Variants in SLC25A26 observed in about 807,000 individuals in gnomAD.
The protein encoded by SLC25A26 is solute carrier family 25 member 26.
In SLC25A26, 36 loss-of-function variants were observed where a neutral mutation model predicts 37.8. That is an observed-to-expected ratio of 0.95 (90% CI 0.73 to 1.26). The LOEUF is 1.26. SLC25A26 is among the 50% of genes most tolerant of loss of function. The pLI is 0.00. For synonymous variants in SLC25A26, 129 were observed against 122.5 expected, an observed-to-expected ratio of 1.05 and a Z score of -0.35; for missense variants, 390 against 331.1, an observed-to-expected ratio of 1.18 and a Z score of -1.38.
intron 5 of SLC25A26, among the ~76,000 whole-genome samples, chr3:66,290,978 T>G (rs902678286): frequency 2.6e-5 from 4 of 152,138 alleles, no homozygotes; most frequent in African/African-American, 9.7e-5. Flanking sequence ...ATTAATTACT[T>G]CCTCAATTTC....
intron 5 of SLC25A26, among the ~76,000 whole-genome samples, chr3:66,275,570 G>A (rs747803265): frequency 6.6e-6 from 1 of 151,916 alleles, no homozygotes; most frequent in East Asian, 1.9e-4. Context: ...AATCATACTT[G>A]CTTCTCAAAA....
intron 4 of SLC25A26, 43 bp downstream of exon 4, chr3:66,262,198 T>G: frequency 9.5e-7 from 1 of 1,052,178 alleles, no homozygotes; most frequent in East Asian, 2.6e-5. Context: ...TATTAAGATT[T>G]TATAGTAGCT....
chr3:66,249,658 T>C (rs968800841), intron 3 of SLC25A26, among the ~76,000 whole-genome samples: 2 of 152,244 alleles, frequency 1.3e-5, no homozygotes, highest in African/African-American at 4.8e-5. Context: ...TTTTGAAATA[T>C]TCATCGATCA....
At chr3:66,335,639 G>T (rs1159671910) in intron 5 of SLC25A26, among the ~76,000 whole-genome samples, 2 of 152,056 alleles carry the variant, frequency 1.3e-5, no homozygotes, top group Non-Finnish European at 2.9e-5. Flanking sequence ...ATTCACTGAT[G>T]TAAGAAATAC....
At chr3:66,220,038 G>A (rs541904189), upstream of SLC25A26, among the ~76,000 whole-genome samples, 6 of 152,332 alleles carry the variant, frequency 3.9e-5, no homozygotes, top group African/African-American at 1.4e-4. Context: ...AATTCTAGCA[G>A]TGTTATAGAA....
chr3:66,249,186 T>A (rs2072978098), intron 3 of SLC25A26, among the ~76,000 whole-genome samples: 1 of 145,192 alleles, frequency 6.9e-6, no homozygotes, highest in African/African-American at 2.6e-5. Context: ...AACTCAGACA[T>A]GTAGATTTGG....
rs2076277552 is a variant in SLC25A26 at position 66,344,531 on chromosome 3, CTG to C, written c.454-1832_454-1831del. ...TAAATACCCATTAATTCCTCTGAAA[CTG>C]GGACATTTACACCCACCCACATGTA... is the stretch of plus-strand genomic sequence containing the variant. On this transcript the variant is annotated intron_variant, in intron 5 of 9. Coordinates refer to ENST00000354883, the MANE Select transcript of SLC25A26 (RefSeq NM_001379210.1). Among the ~76,000 whole-genome samples the C allele has an allele frequency of 2.0e-5, 3 of 152,006 alleles. No homozygotes were observed. In the South Asian group the frequency reaches 6.2e-4, roughly 32 times the overall value.
intron 5 of SLC25A26, among the ~76,000 whole-genome samples, chr3:66,300,116 G>A (rs752054511): frequency 4.6e-5 from 7 of 152,062 alleles, no homozygotes; most frequent in South Asian, 2.1e-4. Flanking sequence ...CAAAATGCCC[G>A]TGTAAAAGGG....
At chr3:66,222,416 G>A (rs1471967016) in intron 1 of SLC25A26, among the ~76,000 whole-genome samples, 1 of 152,224 alleles carries the variant, frequency 6.6e-6, no homozygotes, top group Middle Eastern at 3.4e-3. Flanking sequence ...TCCTGACCTC[G>A]TGATCCCGCC....
At position 66,333,293 on chromosome 3, in the gene SLC25A26, T is replaced by C. The variant is rs1158994598; in HGVS notation, c.454-13071T>C. ...TCAGCTGGTACTGCTGTTCATCTTATTAGATCTGTCCTCCAAGTCTCTTAT... is the reference window on the plus strand; with the variant it reads ...TCAGCTGGTACTGCTGTTCATCTTACTAGATCTGTCCTCCAAGTCTCTTAT... On this transcript the variant is annotated intron_variant, in intron 5 of 9. Transcript: ENST00000354883. Among the ~76,000 whole-genome samples, 6 of 152,200 alleles carry C rather than the reference T, an allele frequency of 3.9e-5. No homozygotes were observed. The East Asian group carries it at 9.6e-4, about 24-fold the overall frequency.
At position 66,231,892 on chromosome 3, in the gene SLC25A26, C is replaced by T. The variant is rs369646562; in HGVS notation, c.34-4652C>T. ...GCCCAAGTGAGCATCCCACCTCAGC[C>T]TCCCAGCAGCTAGGACTACAGACAT... On this transcript the variant is annotated intron_variant, in intron 1 of 9. Transcript: ENST00000354883. Among the ~76,000 whole-genome samples the T allele has an allele frequency of 4.3e-4, 66 of 152,078 alleles. No individual in the cohort carries two copies. The East Asian group carries it at 0.012, about 27-fold the overall frequency.
intron 5 of SLC25A26, among the ~76,000 whole-genome samples, chr3:66,265,133 T>C (rs547237424): frequency 6.6e-6 from 1 of 151,968 alleles, no homozygotes; most frequent in South Asian, 2.1e-4. Context: ...GGCAACATTG[T>C]GAGACCCTGT....
intron 3 of SLC25A26, among the ~76,000 whole-genome samples, chr3:66,249,912 CA>C (rs1373367120): frequency 6.6e-6 from 1 of 152,190 alleles, no homozygotes; most frequent in Non-Finnish European, 1.5e-5. Context: ...TGCACTCAAA[CA>C]AACACTTTTT....
chr3:66,307,412 T>G (rs1479009201), intron 5 of SLC25A26, among the ~76,000 whole-genome samples: 2 of 152,238 alleles, frequency 1.3e-5, no homozygotes. Context: ...TAACCCTTTG[T>G]CAGATGGATA....
intron 5 of SLC25A26, among the ~76,000 whole-genome samples, chr3:66,307,495 C>A (rs1084534): frequency 6.6e-6 from 1 of 152,018 alleles, no homozygotes; most frequent in African/African-American, 2.4e-5. Context: ...TGTGCAGAAG[C>A]TCTTTAGTTT....
At chr3:66,221,990 G>A (rs2071517261) in intron 1 of SLC25A26, among the ~76,000 whole-genome samples, 1 of 151,954 alleles carries the variant, frequency 6.6e-6, no homozygotes, top group South Asian at 2.1e-4. Flanking sequence ...CTGCTCCTAA[G>A]GGTCAGGTGT....
intron 7 of SLC25A26, among the ~76,000 whole-genome samples, chr3:66,368,293 A>T (rs773888126): frequency 7.2e-5 from 11 of 152,070 alleles, no homozygotes; most frequent in Non-Finnish European, 1.5e-4. Context: ...GATTTTTATT[A>T]TTTCTGTCTC....
At chr3:66,326,538 G>A (rs2075842231) in intron 5 of SLC25A26, among the ~76,000 whole-genome samples, 1 of 152,226 alleles carries the variant, frequency 6.6e-6, no homozygotes, top group Admixed American at 6.5e-5. Context: ...GGCAGTGAGT[G>A]GAATCTCCAC....
chr3:66,289,110 C>T (rs554538826), intron 5 of SLC25A26, among the ~76,000 whole-genome samples: 12 of 152,142 alleles, frequency 7.9e-5, no homozygotes, highest in Non-Finnish European at 1.5e-4. Context: ...TGTTTGTTGG[C>T]CACATAAATG....
Sources: gnomAD v4.1 joint callset for allele counts (sites outside exome capture counted in the v4.1 genomes callset) on GRCh38, gnomAD v4.1.1 for gene constraint, MANE v1.5 for transcripts, NCBI Gene and HGNC (gene_info 2026-07-23, HGNC 2026-07-21) for gene names.